PTPRR: variants seen among roughly 807,000 people sequenced by gnomAD.
PTPRR encodes the protein protein tyrosine phosphatase receptor type R.
PTPRR carries 38 observed loss-of-function variants against 77.2 expected under a neutral mutation model. That is an observed-to-expected ratio of 0.49 (90% CI 0.38 to 0.65). PTPRR has a LOEUF of 0.65. PTPRR is among the 30% of genes least tolerant of loss of function. The pLI, the probability that PTPRR is intolerant of heterozygous loss-of-function variation, is 0.00. For synonymous variants in PTPRR, 299 were observed against 283.1 expected, an observed-to-expected ratio of 1.06 and a Z score of -0.57; for missense variants, 744 against 799.2, an observed-to-expected ratio of 0.93 and a Z score of 0.83.
chr12:70,661,062 C>A lies in PTPRR; in HGVS notation c.1644G>T (p.Trp548Cys), dbSNP rs773156417. ...GSHTQHVKHYWYTSWPDHKTP... is the reference protein window; with the variant it reads ...GSHTQHVKHYCYTSWPDHKTP... ...TCTTGTGATCAGGCCATGAGGTGTA[C>A]CAGTAATGCTTCACATGTTGGGTGT... The change falls in exon 12 of 14, where the codon TGG (tryptophan) becomes TGT (cysteine). Residue 548 changes from tryptophan (W) to cysteine (C), a missense_variant. By Grantham distance (215) the Trp-to-Cys change is radical. This residue lies in a region of PTPRR where 170 missense variants were observed against 209.8 expected (regional missense o/e 0.81). Coordinates refer to ENST00000283228, the MANE Select transcript of PTPRR (RefSeq NM_002849.4). 1.9e-6 allele frequency: 3 copies of A among 1,612,722 alleles called. No individual in the cohort carries two copies. The highest frequency in any genetic ancestry group is 1.7e-5 in the Admixed American group (1 of 59,888).
intron 2 of PTPRR, among the ~76,000 whole-genome samples, chr12:70,876,981 G>C (rs1247947340): frequency 6.6e-6 from 1 of 152,158 alleles, no homozygotes; most frequent in East Asian, 1.9e-4. Context: ...TCACAAGAAG[G>C]GTGGACCACG....
At position 70,698,354 on chromosome 12, in the gene PTPRR, A is replaced by C; in HGVS notation, c.1195-5T>G. The C allele has an allele frequency of 6.2e-7, 1 of 1,608,654 alleles. No homozygotes were observed. Among genetic ancestry groups the C allele is most frequent in the South Asian group, 1.1e-5 (1 of 90,926 alleles). On this transcript the variant is annotated splice_polypyrimidine_tract_variant and splice_region_variant and intron_variant, in intron 7 of 13. Transcript: ENST00000283228. ...CACAAAGTTCATTGGTATTTCCTGCAAAAATAAATAATATCAAATTAGTGT... is the reference window on the plus strand; with the variant it reads ...CACAAAGTTCATTGGTATTTCCTGCCAAAATAAATAATATCAAATTAGTGT...
intron 2 of PTPRR, among the ~76,000 whole-genome samples, chr12:70,817,129 G>A (rs982016012): frequency 6.6e-5 from 10 of 152,098 alleles, no homozygotes; most frequent in Non-Finnish European, 1.0e-4. Flanking sequence ...GGTAGCAGAA[G>A]ACACTTTAAG....
At chr12:70,878,461 A>G (rs1237975577) in intron 2 of PTPRR, among the ~76,000 whole-genome samples, 1 of 152,234 alleles carries the variant, frequency 6.6e-6, no homozygotes, top group Non-Finnish European at 1.5e-5. Context: ...GACACTTCTC[A>G]AAAGAAGACA....
At chr12:70,662,700 A>G (rs1336412371) in intron 10 of PTPRR, 95 bp from the exon 11 acceptor site, 2 of 609,320 alleles carry the variant, frequency 3.3e-6, no homozygotes, top group Admixed American at 3.3e-5. Context: ...TTATATCATT[A>G]GTTTTAAAAT....
chr12:70,871,375 G>C (rs1482476158), intron 2 of PTPRR, among the ~76,000 whole-genome samples: 4 of 152,044 alleles, frequency 2.6e-5, no homozygotes, highest in Admixed American at 2.0e-4. Context: ...CATGCCCTGC[G>C]CTTTGCACTC....
At position 70,754,558 on chromosome 12, in the gene PTPRR, T is replaced by C. The variant is rs201760923; in HGVS notation, c.628-257A>G. 2.0e-4 allele frequency: 315 copies of C among 1,595,512 alleles called. 1 individual carries two copies. Among genetic ancestry groups the C allele is most frequent in the Middle Eastern group, 1.2e-3 (7 of 6,036 alleles). On this transcript the variant is annotated intron_variant, in intron 4 of 13. Coordinates refer to ENST00000283228, the MANE Select transcript of PTPRR (RefSeq NM_002849.4). Reference sequence around the variant, plus strand: ...CTGCAGGTCCCAGGCTTTCTAAACATCCCTCAGCGTCTCTCTTGGAAACTA... The same window carrying C: ...CTGCAGGTCCCAGGCTTTCTAAACACCCCTCAGCGTCTCTCTTGGAAACTA...
chr12:70,881,470 G>C (rs12315529), intron 2 of PTPRR, among the ~76,000 whole-genome samples: 18,233 of 152,114 alleles, frequency 0.12, 2,004 homozygotes, highest in African/African-American at 0.3. Context: ...GAAATTGTTT[G>C]TGAACATTTG....
intron 6 of PTPRR, among the ~76,000 whole-genome samples, chr12:70,706,532 T>G (rs1039344965): frequency 6.6e-6 from 1 of 152,114 alleles, no homozygotes; most frequent in Admixed American, 6.6e-5. Context: ...ATTTTTAGTG[T>G]AGGAAATGAT....
chr12:70,780,087 G>A lies in PTPRR; in HGVS notation c.358-15309C>T, dbSNP rs12425704. ...GCTCACTGCAACCTCCGCCTACTGG[G>A]TTTAAGTGATTCTCCTGCCTCAGCC... On this transcript the variant is annotated intron_variant, in intron 2 of 13. Transcript: ENST00000283228. Among the ~76,000 whole-genome samples, 735 of 152,136 alleles carry A rather than the reference G, an allele frequency of 4.8e-3. 19 individuals carry two copies. In the East Asian group the frequency reaches 0.078, roughly 16 times the overall value.
chr12:70,792,660 C>T (rs1275343856), intron 2 of PTPRR, among the ~76,000 whole-genome samples: 2 of 151,982 alleles, frequency 1.3e-5, no homozygotes, highest in Non-Finnish European at 2.9e-5. Context: ...TTAAGAAAAA[C>T]ACTAAATTTT....
chr12:70,680,652 T>A (rs1455343159), intron 10 of PTPRR, among the ~76,000 whole-genome samples: 2 of 152,166 alleles, frequency 1.3e-5, no homozygotes, highest in Admixed American at 1.3e-4. Context: ...ACATGGCTGG[T>A]GAGCATGCAG....
intron 6 of PTPRR, among the ~76,000 whole-genome samples, chr12:70,722,729 A>G (rs1308455379): frequency 1.3e-5 from 2 of 152,168 alleles, no homozygotes; most frequent in Non-Finnish European, 2.9e-5. Flanking sequence ...TACAAGCAGC[A>G]GAGGCCTGTT....
chr12:70,821,415 T>C (rs1157353839), intron 2 of PTPRR, among the ~76,000 whole-genome samples: 2 of 150,734 alleles, frequency 1.3e-5, no homozygotes, highest in Non-Finnish European at 3.0e-5. Flanking sequence ...TTAGTAGAGA[T>C]GAGGTTTAAC....
At chr12:70,694,233 A>G (rs1384682804) in intron 8 of PTPRR, among the ~76,000 whole-genome samples, 3 of 152,190 alleles carry the variant, frequency 2.0e-5, no homozygotes, top group Non-Finnish European at 4.4e-5. Context: ...AGGAAACATT[A>G]TTAGATGTTA....
At chr12:70,691,023 TA>T (rs375551538) in intron 8 of PTPRR, among the ~76,000 whole-genome samples, 1 of 152,132 alleles carries the variant, frequency 6.6e-6, no homozygotes, top group African/African-American at 2.4e-5. Context: ...TTCTATTTTT[TA>T]AAAAAAGGTC....
rs1885859389 is a variant in PTPRR, at chr12:70,638,662, T to C, written c.*522A>G. 1 of 152,382 alleles carries C rather than the reference T, an allele frequency of 6.6e-6. No individual in the cohort carries two copies. The highest frequency in any genetic ancestry group is 2.4e-5 in the African/African-American group (1 of 41,438). 9.4% of individuals were successfully genotyped at this position (152,382 alleles called of 1,614,324 possible). On this transcript the variant is annotated 3_prime_UTR_variant, in exon 14 of 14. Transcript: ENST00000283228. ...TTTTTCAAAAACAAAGACTTCTCTG[T>C]TAAAAATCCATTATCAATCACTTGC...
At chr12:70,671,643 G>T (rs540549439) in intron 10 of PTPRR, among the ~76,000 whole-genome samples, 2 of 152,196 alleles carry the variant, frequency 1.3e-5, no homozygotes, top group Admixed American at 6.5e-5. Context: ...ATCTGAGAAT[G>T]GTAACAACAG....
In PTPRR at chr12:70,746,018, G is replaced by C; in HGVS notation, c.807C>G (p.Ile269Met). ...GCTGTAATGTGATGGGCGATAGGTG[G>C]ATCTCCTGGTTTTTCTCTTTGTCTT... is the stretch of plus-strand genomic sequence containing the variant. ...LRQDKEKNQE[I>M]HLSPITLQPA... is the part of the protein sequence containing the mutation. Residue 269 changes from isoleucine to methionine, a missense_variant, in exon 6 of 14, where the codon ATC becomes ATG. Physicochemically the swap from Ile to Met is conservative, Grantham distance 10. Coordinates refer to ENST00000283228, the MANE Select transcript of PTPRR (RefSeq NM_002849.4). The C allele has an allele frequency of 6.2e-7, 1 of 1,613,732 alleles. No homozygotes were observed. The highest frequency in any genetic ancestry group is 8.5e-7 in the Non-Finnish European group (1 of 1,179,732).
Sources: allele counts gnomAD v4.1 joint callset (sites outside exome capture counted in the v4.1 genomes callset), GRCh38; gene constraint gnomAD v4.1.1; regional missense constraint gnomAD v4.1.1; transcripts MANE v1.5; gene names NCBI Gene and HGNC (gene_info 2026-07-23, HGNC 2026-07-21).